The following PDE4D variants were observed in gnomAD, a reference collection of about 807,000 sequenced individuals.
PDE4D encodes the protein 3',5'-cyclic-AMP phosphodiesterase 4D.
PDE4D carries 24 observed loss-of-function variants against 87.4 expected under a neutral mutation model. The ratio of observed to expected loss-of-function variants is 0.27; its 90% CI spans 0.20 to 0.39. The LOEUF (loss-of-function observed/expected upper bound fraction) is 0.39, where lower values mean the gene tolerates loss of function less well. Among genes scored for constraint, PDE4D ranks in the 10% least tolerant of loss-of-function variants. PDE4D has a pLI of 1.00. For missense variants in PDE4D, 714 were observed against 1,041.0 expected (o/e 0.69, Z 4.32); for synonymous variants, 384 against 383.2 (o/e 1.00, Z -0.02).
intron 3 of PDE4D, among the ~76,000 whole-genome samples, chr5:59,976,477 T>C (rs1413114518): frequency 6.6e-6 from 1 of 152,128 alleles, no homozygotes; most frequent in Non-Finnish European, 1.5e-5. Flanking sequence ...TTATTCCCTC[T>C]CTTGTCATCT....
chr5:59,870,902 T>C (rs958858254), intron 1 of PDE4D, among the ~76,000 whole-genome samples: 2 of 152,216 alleles, frequency 1.3e-5, no homozygotes, highest in South Asian at 2.1e-4. Flanking sequence ...AGGCATGGGA[T>C]GTGCAGTTGC....
At chr5:59,778,173 T>C (rs972681849) in intron 1 of PDE4D, among the ~76,000 whole-genome samples, 2 of 152,250 alleles carry the variant, frequency 1.3e-5, no homozygotes. Flanking sequence ...CACAGTCTCC[T>C]GGGACTTTCA....
intron 1 of PDE4D, among the ~76,000 whole-genome samples, chr5:60,374,845 C>T (rs2149992285): frequency 6.6e-6 from 1 of 152,182 alleles, no homozygotes; most frequent in East Asian, 1.9e-4. Flanking sequence ...ATATAATATG[C>T]TTAAAAATCG....
At chr5:59,492,950 G>A (rs1806485873) in intron 1 of PDE4D, among the ~76,000 whole-genome samples, 2 of 152,010 alleles carry the variant, frequency 1.3e-5, no homozygotes, top group Admixed American at 1.3e-4. Context: ...ATGATTGTGA[G>A]GTCTCCCCAG....
intron 1 of PDE4D, among the ~76,000 whole-genome samples, chr5:60,459,002 T>TGTTG (rs1554039292): frequency 6.7e-6 from 1 of 150,182 alleles, no homozygotes. Flanking sequence ...TGTGTGTGTG[T>TGTTG]TGTGTGTGTG....
intron 3 of PDE4D, among the ~76,000 whole-genome samples, chr5:59,925,428 A>G (rs1339222193): frequency 6.6e-6 from 1 of 152,196 alleles, no homozygotes; most frequent in Non-Finnish European, 1.5e-5. Flanking sequence ...AATCACCTTT[A>G]CTAAAATGAA....
chr5:60,506,867 T>A (rs1750346976), intron 1 of PDE4D, among the ~76,000 whole-genome samples: 1 of 127,740 alleles, frequency 7.8e-6, no homozygotes, highest in Non-Finnish European at 1.8e-5. Flanking sequence ...GTTGCAATAT[T>A]TCTTCTGATT....
intron 2 of PDE4D, among the ~76,000 whole-genome samples, chr5:60,180,350 A>G (rs915209975): frequency 2.6e-5 from 4 of 152,304 alleles, no homozygotes; most frequent in Non-Finnish European, 4.4e-5. Flanking sequence ...TTCTGCAACA[A>G]TGAGCATAAT....
rs1322129790 is a variant in PDE4D at position 59,591,163 on chromosome 5, TA to T, written c.455+302004del. Among the ~76,000 whole-genome samples the T allele has an allele frequency of 5.3e-5, 8 of 152,028 alleles. No homozygotes were observed. The East Asian group carries it at 5.8e-4, about 11-fold the overall frequency. ...TACATACAAAAAAAGTCTGGCTCTTTAAAAAAAATTACAAAAATGTAACAGT... is the reference window on the plus strand; with the variant it reads ...TACATACAAAAAAAGTCTGGCTCTTTAAAAAAATTACAAAAATGTAACAGT... On this transcript the variant is annotated intron_variant, in intron 1 of 14. Coordinates refer to ENST00000340635, the MANE Select transcript of PDE4D (RefSeq NM_001104631.2).
intron 3 of PDE4D, among the ~76,000 whole-genome samples, chr5:59,943,302 T>C (rs1757377933): frequency 2.0e-5 from 3 of 152,108 alleles, no homozygotes. Context: ...TGTTGGCCTA[T>C]TTGACTGCAG....
intron 1 of PDE4D, among the ~76,000 whole-genome samples, chr5:59,761,314 C>T (rs1761938751): frequency 6.6e-6 from 1 of 152,124 alleles, no homozygotes. Flanking sequence ...TTTCCACACA[C>T]TACTATAGAC....
chr5:60,213,775 C>G (rs975554874), intron 1 of PDE4D, among the ~76,000 whole-genome samples: 7 of 152,142 alleles, frequency 4.6e-5, no homozygotes, highest in African/African-American at 1.7e-4. Context: ...CACCTGTCCT[C>G]CATTTTCCTA....
intron 5 of PDE4D, among the ~76,000 whole-genome samples, chr5:59,166,026 C>A (rs1388351265): frequency 6.6e-6 from 1 of 152,196 alleles, no homozygotes; most frequent in Admixed American, 6.5e-5. Context: ...CCCACCACCA[C>A]CTGTCGCCCC....
intron 1 of PDE4D, among the ~76,000 whole-genome samples, chr5:59,800,081 T>C (rs1766937556): frequency 6.6e-6 from 1 of 152,064 alleles, no homozygotes; most frequent in South Asian, 2.1e-4. Context: ...GGAAGAAAGG[T>C]CTGTGTTGAA....
intron 1 of PDE4D, among the ~76,000 whole-genome samples, chr5:59,372,916 G>A (rs1582216740): frequency 6.6e-6 from 1 of 152,144 alleles, no homozygotes; most frequent in Non-Finnish European, 1.5e-5. Context: ...TGGGAGCTGA[G>A]TGTTGGACCC....
intron 1 of PDE4D, among the ~76,000 whole-genome samples, chr5:60,297,034 T>C (rs1392704245): frequency 2.0e-5 from 3 of 152,152 alleles, no homozygotes; most frequent in Non-Finnish European, 4.4e-5. Context: ...GGCACATGTA[T>C]ACCTATGTAA....
At chr5:60,088,272 A>T (rs980200556) in intron 2 of PDE4D, among the ~76,000 whole-genome samples, 5 of 150,952 alleles carry the variant, frequency 3.3e-5, no homozygotes, top group African/African-American at 1.2e-4. Flanking sequence ...CTTCAATCTG[A>T]AAAAAAAATG....
intron 1 of PDE4D, among the ~76,000 whole-genome samples, chr5:59,796,465 C>T (rs943833084): frequency 3.3e-5 from 5 of 152,194 alleles, no homozygotes; most frequent in African/African-American, 4.8e-5. Flanking sequence ...TTACCAACTC[C>T]GTGACCTTCA....
chr5:59,500,375 G>T (rs1040816116), intron 1 of PDE4D, among the ~76,000 whole-genome samples: 2 of 152,114 alleles, frequency 1.3e-5, no homozygotes, highest in African/African-American at 4.8e-5. Flanking sequence ...CCAATGGTGG[G>T]CTGGATAAAG....
Sources: gnomAD v4.1 joint callset for allele counts (sites outside exome capture counted in the v4.1 genomes callset) on GRCh38, gnomAD v4.1.1 for gene constraint, MANE v1.5 for transcripts, NCBI Gene and HGNC (gene_info 2026-07-23, HGNC 2026-07-21) for gene names.